ANKS1B: variants seen among roughly 807,000 people sequenced by gnomAD.
The protein encoded by ANKS1B is ankyrin repeat and sterile alpha motif domain-containing protein 1B.
Under a neutral mutation model 148.3 loss-of-function variants are expected in ANKS1B, and 36 were observed. The ratio of observed to expected loss-of-function variants is 0.24; its 90% CI spans 0.19 to 0.32. The LOEUF (loss-of-function observed/expected upper bound fraction) is 0.32, where lower values mean the gene tolerates loss of function less well. Ranked by LOEUF, ANKS1B falls within the 10% of genes least tolerant of loss-of-function variation. ANKS1B has a pLI of 1.00. For missense variants in ANKS1B, 1,157 were observed against 1,542.6 expected (o/e 0.75, Z 4.19); for synonymous variants, 542 against 560.8 (o/e 0.97, Z 0.47).
chr12:99,365,038 A>G (rs1442565178), intron 12 of ANKS1B, among the ~76,000 whole-genome samples: 2 of 152,226 alleles, frequency 1.3e-5, no homozygotes, highest in Non-Finnish European at 2.9e-5. Context: ...CTGAGCAACA[A>G]TCTAGAAGAG....
At chr12:99,131,612 G>A (rs2066108410) in intron 15 of ANKS1B, among the ~76,000 whole-genome samples, 4 of 152,102 alleles carry the variant, frequency 2.6e-5, no homozygotes, top group Admixed American at 2.6e-4. Context: ...ATAGATACAG[G>A]CCATTTCTCC....
chr12:99,672,664 A>C (rs1338970136), intron 8 of ANKS1B, among the ~76,000 whole-genome samples: 1 of 152,138 alleles, frequency 6.6e-6, no homozygotes, highest in Non-Finnish European at 1.5e-5. Context: ...CACCTACAGA[A>C]ACCTTCTCCA....
At chr12:98,934,217 G>A (rs1488123177) in intron 17 of ANKS1B, among the ~76,000 whole-genome samples, 3 of 152,090 alleles carry the variant, frequency 2.0e-5, no homozygotes, top group East Asian at 1.9e-4. Flanking sequence ...TGTATGTCAC[G>A]TCCAGTCTTC....
chr12:98,795,331 T>C (rs2098938133), intron 22 of ANKS1B, among the ~76,000 whole-genome samples: 1 of 152,228 alleles, frequency 6.6e-6, no homozygotes, highest in Non-Finnish European at 1.5e-5. Context: ...CATAATGACA[T>C]TGTTTGATGA....
chr12:99,062,380 A>G (rs983004765), intron 16 of ANKS1B, among the ~76,000 whole-genome samples: 7 of 152,210 alleles, frequency 4.6e-5, no homozygotes, highest in African/African-American at 1.7e-4. Flanking sequence ...GTAGGACTGC[A>G]GAGGTGACTT....
At chr12:99,148,243 C>T (rs1202075377) in intron 15 of ANKS1B, among the ~76,000 whole-genome samples, 1 of 151,998 alleles carries the variant, frequency 6.6e-6, no homozygotes, top group Non-Finnish European at 1.5e-5. Flanking sequence ...AAATATGCTG[C>T]ATGACTAAAT....
rs1226085382 is a variant in ANKS1B at position 99,145,329 on chromosome 12, G to A, written c.2526+8960C>T. On this transcript the variant is annotated intron_variant, in intron 15 of 26. Transcript: ENST00000683438. ...AAGGCACAGATATCTGAGCAGGTGTGGCACTGTTGTAGAACTGTAAGTAAT... is the reference window on the plus strand; with the variant it reads ...AAGGCACAGATATCTGAGCAGGTGTAGCACTGTTGTAGAACTGTAAGTAAT... 2.0e-5 allele frequency among the ~76,000 whole-genome samples: 3 copies of A among 152,052 alleles called. No individual in the cohort carries two copies. The East Asian group carries it at 5.8e-4, about 29-fold the overall frequency.
intron 12 of ANKS1B, among the ~76,000 whole-genome samples, chr12:99,337,371 A>T (rs1004941978): frequency 6.6e-6 from 1 of 152,120 alleles, no homozygotes; most frequent in African/African-American, 2.4e-5. Context: ...TTTTTGTTAA[A>T]TTTATCTGAT....
At chr12:99,953,865 A>C (rs1169713435) in intron 1 of ANKS1B, among the ~76,000 whole-genome samples, 1 of 152,234 alleles carries the variant, frequency 6.6e-6, no homozygotes, top group Non-Finnish European at 1.5e-5. Flanking sequence ...CCTCAAGCTC[A>C]GTTAAATAAG....
chr12:99,098,800 T>C (rs575916813), intron 15 of ANKS1B, among the ~76,000 whole-genome samples: 4 of 150,384 alleles, frequency 2.7e-5, no homozygotes, highest in African/African-American at 9.8e-5. Flanking sequence ...CTTAGCTTTG[T>C]GGCCTTGGGA....
intron 9 of ANKS1B, among the ~76,000 whole-genome samples, chr12:99,637,918 C>G (rs757541442): frequency 6.4e-4 from 96 of 151,072 alleles, no homozygotes; most frequent in Admixed American, 6.3e-3. Context: ...TCTAGACAAC[C>G]CTAATACACC....
chr12:99,817,302 A>T (rs947499320), intron 2 of ANKS1B, among the ~76,000 whole-genome samples: 1 of 151,530 alleles, frequency 6.6e-6, no homozygotes, highest in Admixed American at 6.6e-5. Flanking sequence ...TCACTTTACA[A>T]AATGATCTCA....
At chr12:99,648,111 C>T (rs2098389290) in intron 9 of ANKS1B, 17 of 1,554,330 alleles carry the variant, frequency 1.1e-5, no homozygotes, top group Non-Finnish European at 1.4e-5. Flanking sequence ...ACAGGATGCC[C>T]GCTAAAGCAT....
chr12:98,773,309 TGG>T, intron 24 of ANKS1B, 130 bp from the exon 25 acceptor site: 1 of 1,004,066 alleles, frequency 1.0e-6, no homozygotes, highest in Non-Finnish European at 1.4e-6. Flanking sequence ...ACACTCAAAG[TGG>T]TCCACTATAT....
chr12:99,831,722 T>G (rs2153689424), intron 1 of ANKS1B, among the ~76,000 whole-genome samples: 1 of 152,188 alleles, frequency 6.6e-6, no homozygotes, highest in South Asian at 2.1e-4. Flanking sequence ...ATCAGGGTTT[T>G]TTTTTTTTAG....
chr12:99,392,658 C>T (rs1278543748), intron 12 of ANKS1B, among the ~76,000 whole-genome samples: 1 of 152,190 alleles, frequency 6.6e-6, no homozygotes, highest in African/African-American at 2.4e-5. Flanking sequence ...AGATAGAGAA[C>T]ACCTGTTATC....
At chr12:98,883,810 C>T (rs551845894) in intron 17 of ANKS1B, among the ~76,000 whole-genome samples, 10 of 152,172 alleles carry the variant, frequency 6.6e-5, no homozygotes, top group African/African-American at 2.4e-4. Context: ...GCTTGCCACA[C>T]CAGAAGGATT....
intron 11 of ANKS1B, among the ~76,000 whole-genome samples, chr12:99,418,274 G>A (rs1356977830): frequency 6.6e-6 from 1 of 152,034 alleles, no homozygotes; most frequent in Non-Finnish European, 1.5e-5. Context: ...AAAATAATCA[G>A]GGGATACAAA....
intron 3 of ANKS1B, among the ~76,000 whole-genome samples, chr12:99,810,058 ATAGGATT>A (rs1162284288): frequency 6.6e-6 from 1 of 151,990 alleles, no homozygotes; most frequent in Non-Finnish European, 1.5e-5. Context: ...CCATTAAGTG[ATAGGATT>A]TAGGATGACA....
Sources: gnomAD v4.1 joint callset for allele counts (sites outside exome capture counted in the v4.1 genomes callset) on GRCh38, gnomAD v4.1.1 for gene constraint, MANE v1.5 for transcripts, NCBI Gene and HGNC (gene_info 2026-07-23, HGNC 2026-07-21) for gene names.